Variants in DLG1 observed in about 807,000 individuals in gnomAD.
The protein encoded by DLG1 is discs large MAGUK scaffold protein 1.
Under a neutral mutation model 123.4 loss-of-function variants are expected in DLG1, and 42 were observed. The ratio of observed to expected loss-of-function variants is 0.34; its 90% CI spans 0.27 to 0.44. The LOEUF is 0.44. Ranked by LOEUF, DLG1 falls within the 20% of genes least tolerant of loss-of-function variation. The pLI is 1.00. For missense variants in DLG1, 942 were observed against 1,082.6 expected, an observed-to-expected ratio of 0.87 and a Z score of 1.82; for synonymous variants, 317 against 356.2, an observed-to-expected ratio of 0.89 and a Z score of 1.24.
chr3:197,297,370 C>A (rs1258173609), intron 1 of DLG1, 135 bp from the exon 2 acceptor site: 2 of 1,461,210 alleles, frequency 1.4e-6, no homozygotes, highest in Admixed American at 2.6e-5. Context: ...AAGAAAGAGT[C>A]TCAAAACGCA....
At position 197,135,748 on chromosome 3, in the gene DLG1, G is replaced by C. The variant is rs144913859; in HGVS notation, c.1020+794C>G. On this transcript the variant is annotated intron_variant, in intron 10 of 24. Transcript: ENST00000667157. ...GATGAAAGTCTCATACAGTGCAATA[G>C]TGTTTTGAAAAAGCTTCAAAACAAA... Among the ~76,000 whole-genome samples, 495 of 152,126 alleles carry C rather than the reference G, an allele frequency of 3.3e-3. 2 individuals carry two copies. Among genetic ancestry groups the C allele is most frequent in the Middle Eastern group, 0.01 (3 of 294 alleles).
chr3:197,243,291 G>C (rs372664049), intron 4 of DLG1, among the ~76,000 whole-genome samples: 3 of 152,150 alleles, frequency 2.0e-5, no homozygotes, highest in Non-Finnish European at 4.4e-5. Flanking sequence ...TTGGTGGATG[G>C]AGGCATGCCT....
intron 4 of DLG1, among the ~76,000 whole-genome samples, chr3:197,243,144 G>A (rs1159314251): frequency 1.3e-5 from 2 of 152,286 alleles, no homozygotes; most frequent in East Asian, 3.9e-4. Context: ...TCCTCCCCCA[G>A]TTAATTAGGG....
At chr3:197,112,013 C>A (rs576046416) in intron 13 of DLG1, among the ~76,000 whole-genome samples, 1 of 152,240 alleles carries the variant, frequency 6.6e-6, no homozygotes, top group African/African-American at 2.4e-5. Flanking sequence ...CTGGGTAAAA[C>A]CTGGGTGATA....
rs911256380 is a variant in DLG1 at position 197,042,983 on chromosome 3, T to G, written c.*1640A>C. 6.6e-6 allele frequency: 1 copy of G among 152,254 alleles called. No homozygotes were observed. The highest frequency in any genetic ancestry group is 2.1e-4 in the South Asian group (1 of 4,836). 9.4% of individuals were successfully genotyped at this position (152,254 alleles called of 1,614,324 possible). A position where few individuals can be genotyped will look rare whatever the true frequency, so the allele number is the denominator to read the frequency against. ...TCCTCTTCTTCATAAATGGAATGGA[T>G]AATGTTGATAATTCTTTACAAACCA... On this transcript the variant is annotated 3_prime_UTR_variant, in exon 25 of 25. Transcript: ENST00000667157.
At chr3:197,089,881 T>C (rs1315893294) in intron 15 of DLG1, among the ~76,000 whole-genome samples, 2 of 152,092 alleles carry the variant, frequency 1.3e-5, no homozygotes, top group Non-Finnish European at 1.5e-5. Context: ...CATTTAAGAT[T>C]CCCACATCAC....
intron 10 of DLG1, among the ~76,000 whole-genome samples, chr3:197,131,075 A>G (rs1056260734): frequency 1.2e-4 from 18 of 152,242 alleles, no homozygotes; most frequent in African/African-American, 4.3e-4. Context: ...GACACAAATT[A>G]ATAGAATTAC....
Position 197,207,224 on chromosome 3 carries a change from A to T in DLG1, c.319-12635T>A, listed in dbSNP as rs374669393. 1.3e-4 allele frequency among the ~76,000 whole-genome samples: 20 copies of T among 152,300 alleles called. No homozygotes were observed. In the East Asian group the frequency reaches 2.5e-3, roughly 19 times the overall value. ...CTGCTCTTTACGCAAAGTTACACAA[A>T]CTTTACGCAAAGTTAAATCTCTGAT... is the stretch of plus-strand genomic sequence containing the variant. On this transcript the variant is annotated intron_variant, in intron 4 of 24. Transcript: ENST00000667157.
chr3:197,199,295 T>C (rs1221299379), intron 4 of DLG1, among the ~76,000 whole-genome samples: 3 of 152,098 alleles, frequency 2.0e-5, no homozygotes, highest in Non-Finnish European at 4.4e-5. Context: ...AATCTGAAAA[T>C]CCAAAATCCA....
chr3:197,163,414 AATGTTCAAT>A (rs1212692996), intron 5 of DLG1, among the ~76,000 whole-genome samples: 35 of 152,302 alleles, frequency 2.3e-4, no homozygotes, highest in Admixed American at 1.8e-3. Context: ...CTTGTATGCC[AATGTTCAAT>A]GCAGCATCAC....
intron 22 of DLG1, among the ~76,000 whole-genome samples, chr3:197,063,749 C>T (rs1364229378): frequency 6.6e-6 from 1 of 152,000 alleles, no homozygotes; most frequent in East Asian, 1.9e-4. Context: ...AAGTGGGATG[C>T]TGGGTTGAAG....
At chr3:197,114,481 C>T (rs1330662188) in intron 13 of DLG1, among the ~76,000 whole-genome samples, 1 of 152,180 alleles carries the variant, frequency 6.6e-6, no homozygotes, top group Non-Finnish European at 1.5e-5. Context: ...CTGTGTAATT[C>T]TAGATTGAAC....
intron 1 of DLG1, 149 bp from the exon 2 acceptor site, chr3:197,297,384 G>A (rs1560211408): frequency 4.8e-6 from 7 of 1,443,420 alleles, no homozygotes; most frequent in South Asian, 3.0e-5. Context: ...AAACGCAGCA[G>A]TTGTCTGTCA....
intron 4 of DLG1, among the ~76,000 whole-genome samples, chr3:197,276,538 A>G (rs1424139383): frequency 6.6e-6 from 1 of 152,176 alleles, no homozygotes; most frequent in African/African-American, 2.4e-5. Flanking sequence ...ATTGGCCCAC[A>G]TTTATTTCTT....
chr3:197,200,672 A>T (rs991386275), intron 4 of DLG1, among the ~76,000 whole-genome samples: 15 of 152,206 alleles, frequency 9.9e-5, no homozygotes, highest in African/African-American at 3.6e-4. Flanking sequence ...ATAGTTCAAC[A>T]TACACAAATC....
chr3:197,066,430 G>C (rs1218642257), intron 20 of DLG1, among the ~76,000 whole-genome samples: 1 of 152,102 alleles, frequency 6.6e-6, no homozygotes, highest in Non-Finnish European at 1.5e-5. Flanking sequence ...TTTCAAAAAA[G>C]GGTTATTTGG....
At chr3:197,289,813 T>C (rs565032822) in intron 3 of DLG1, among the ~76,000 whole-genome samples, 2 of 152,372 alleles carry the variant, frequency 1.3e-5, no homozygotes, top group South Asian at 4.1e-4. Context: ...AAGTTTGTAC[T>C]ATTGTTTCAC....
intron 10 of DLG1, among the ~76,000 whole-genome samples, chr3:197,134,389 A>C (rs1784091480): frequency 6.6e-6 from 1 of 151,634 alleles, no homozygotes; most frequent in Non-Finnish European, 1.5e-5. Flanking sequence ...GATAATCAAT[A>C]ATCCCATGAC....
At chr3:197,169,030 GATTA>G (rs570312871) in intron 5 of DLG1, among the ~76,000 whole-genome samples, 3 of 152,160 alleles carry the variant, frequency 2.0e-5, no homozygotes, top group Non-Finnish European at 4.4e-5. Context: ...TGTTTTTAGA[GATTA>G]ATTTTCTCTA....
Sources: allele counts gnomAD v4.1 joint callset (sites outside exome capture counted in the v4.1 genomes callset), GRCh38; gene constraint gnomAD v4.1.1; transcripts MANE v1.5; gene names NCBI Gene and HGNC (gene_info 2026-07-23, HGNC 2026-07-21).